Variants in NRXN1 observed in about 807,000 individuals in gnomAD.
NRXN1 encodes neurexin 1.
A neutral mutation model predicts 150.9 loss-of-function variants in NRXN1; 39 were observed. That is an observed-to-expected ratio of 0.26 (90% CI 0.20 to 0.34). The LOEUF is 0.34. NRXN1 is among the 10% of genes least tolerant of loss of function. NRXN1 has a pLI of 1.00. For missense variants in NRXN1, 1,815 were observed against 1,949.9 expected (o/e 0.93, Z 1.30); for synonymous variants, 924 against 757.0 (o/e 1.22, Z -3.62).
intron 17 of NRXN1, among the ~76,000 whole-genome samples, chr2:50,453,180 A>T (rs1469103576): frequency 1.3e-5 from 2 of 152,180 alleles, no homozygotes; most frequent in African/African-American, 2.4e-5. Flanking sequence ...AAGATAATCT[A>T]ATAGTCTAAT....
At chr2:50,942,680 G>C (rs1033889597) in intron 2 of NRXN1, among the ~76,000 whole-genome samples, 11 of 152,168 alleles carry the variant, frequency 7.2e-5, no homozygotes, top group African/African-American at 1.9e-4. Context: ...TTTGGAAAGG[G>C]AACATTTACC....
At chr2:50,428,947 A>G (rs1410171687) in intron 17 of NRXN1, among the ~76,000 whole-genome samples, 1 of 152,190 alleles carries the variant, frequency 6.6e-6, no homozygotes, top group East Asian at 1.9e-4. Context: ...TCTGAACAAT[A>G]TGAAACTATG....
At chr2:50,888,506 AT>A (rs1024836732) in intron 5 of NRXN1, among the ~76,000 whole-genome samples, 1 of 151,024 alleles carries the variant, frequency 6.6e-6, no homozygotes, top group Non-Finnish European at 1.5e-5. Context: ...CAGTCTAGAG[AT>A]TTTTTCTTCC....
chr2:50,802,901 CT>C (rs990268765), intron 5 of NRXN1, among the ~76,000 whole-genome samples: 2 of 152,242 alleles, frequency 1.3e-5, no homozygotes, highest in African/African-American at 4.8e-5. Flanking sequence ...CCACCAGATA[CT>C]AGGAAGACAC....
chr2:50,333,789 C>T (rs531032431), intron 17 of NRXN1, among the ~76,000 whole-genome samples: 1 of 151,926 alleles, frequency 6.6e-6, no homozygotes, highest in African/African-American at 2.4e-5. Context: ...TGATTGGTCT[C>T]TGCATTCTTG....
At chr2:50,617,869 G>C (rs929403554) in intron 8 of NRXN1, among the ~76,000 whole-genome samples, 2 of 152,266 alleles carry the variant, frequency 1.3e-5, no homozygotes, top group African/African-American at 4.8e-5. Context: ...ATTTGAAACT[G>C]TTATTTTAGA....
At chr2:50,705,199 C>G (rs1454141169) in intron 5 of NRXN1, among the ~76,000 whole-genome samples, 1 of 151,792 alleles carries the variant, frequency 6.6e-6, no homozygotes, top group African/African-American at 2.4e-5. Context: ...AAGAGGAAAC[C>G]ATACAAAGAT....
intron 2 of NRXN1, among the ~76,000 whole-genome samples, chr2:51,006,419 T>G (rs984103449): frequency 1.3e-5 from 2 of 151,768 alleles, no homozygotes; most frequent in African/African-American, 4.8e-5. Flanking sequence ...GGGGGAGGGA[T>G]AGCATTAGGA....
chr2:50,200,352 T>C (rs1219574351), intron 18 of NRXN1, among the ~76,000 whole-genome samples: 4 of 152,170 alleles, frequency 2.6e-5, no homozygotes, highest in African/African-American at 7.2e-5. Flanking sequence ...TCATAATTAA[T>C]TGGCCTCATT....
intron 5 of NRXN1, among the ~76,000 whole-genome samples, chr2:50,716,661 A>G (rs1294942733): frequency 6.6e-6 from 1 of 152,162 alleles, no homozygotes; most frequent in Non-Finnish European, 1.5e-5. Flanking sequence ...ATATAAATAT[A>G]CATCTCAATG....
intron 5 of NRXN1, among the ~76,000 whole-genome samples, chr2:50,832,986 A>T (rs1319197014): frequency 1.3e-5 from 2 of 152,208 alleles, no homozygotes; most frequent in South Asian, 4.1e-4. Flanking sequence ...AAAACCTACA[A>T]ATCAATTTAA....
At chr2:50,068,429 A>G (rs1695700790) in intron 19 of NRXN1, among the ~76,000 whole-genome samples, 1 of 152,220 alleles carries the variant, frequency 6.6e-6, no homozygotes, top group African/African-American at 2.4e-5. Flanking sequence ...CTCTACCACC[A>G]ATTATTTCTT....
At chr2:50,082,017 A>G (rs927142195) in intron 19 of NRXN1, among the ~76,000 whole-genome samples, 2 of 152,218 alleles carry the variant, frequency 1.3e-5, no homozygotes, top group Non-Finnish European at 2.9e-5. Flanking sequence ...ACTTGTAAAT[A>G]CCATCTGAAG....
chr2:50,448,052 A>G (rs944089094), intron 17 of NRXN1, among the ~76,000 whole-genome samples: 54 of 151,998 alleles, frequency 3.6e-4, no homozygotes, highest in Non-Finnish European at 2.9e-4. Context: ...AAGTAATAAA[A>G]TTTGAACACC....
chr2:50,566,409 ATT>A (rs35437819), intron 8 of NRXN1, among the ~76,000 whole-genome samples: 41 of 130,032 alleles, frequency 3.2e-4, no homozygotes, highest in East Asian at 1.4e-3. Context: ...ACGCCCAGCT[ATT>A]TTTTTTTTTT....
chr2:50,631,778 C>T (rs1363591706), intron 5 of NRXN1, among the ~76,000 whole-genome samples: 1 of 151,840 alleles, frequency 6.6e-6, no homozygotes, highest in African/African-American at 2.4e-5. Context: ...TAAAATGAGA[C>T]ACACAGGGAA....
Position 50,863,771 on chromosome 2 carries a change from T to A in NRXN1, c.832+58098A>T, listed in dbSNP as rs1676479902. 2.0e-5 allele frequency among the ~76,000 whole-genome samples: 3 copies of A among 152,008 alleles called. No individual in the cohort carries two copies. In the South Asian group the frequency reaches 6.2e-4, roughly 31 times the overall value. On this transcript the variant is annotated intron_variant, in intron 5 of 22. Transcript: ENST00000401669. ...TTATCATGCTGGATAATGGCTTAATTTATTACAGAAACCCTAGTCAGACAT... is the reference window on the plus strand; with the variant it reads ...TTATCATGCTGGATAATGGCTTAATATATTACAGAAACCCTAGTCAGACAT...
chr2:50,143,115 G>T (rs1707508663), intron 18 of NRXN1, among the ~76,000 whole-genome samples: 1 of 151,246 alleles, frequency 6.6e-6, no homozygotes, highest in Non-Finnish European at 1.5e-5. Flanking sequence ...ATGGAAAATA[G>T]AAAGAAGGAA....
intron 21 of NRXN1, among the ~76,000 whole-genome samples, chr2:50,006,840 G>C (rs1684851549): frequency 6.6e-6 from 1 of 151,964 alleles, no homozygotes; most frequent in Admixed American, 6.6e-5. Context: ...TCTCTTCCTG[G>C]GGTTGGGCCT....
Sources: allele counts gnomAD v4.1 joint callset (sites outside exome capture counted in the v4.1 genomes callset), GRCh38; gene constraint gnomAD v4.1.1; transcripts MANE v1.5; gene names NCBI Gene and HGNC (gene_info 2026-07-23, HGNC 2026-07-21).